The following SAE1 variants were observed in gnomAD, a reference collection of about 807,000 sequenced individuals.
The protein encoded by SAE1 is SUMO-activating enzyme subunit 1.
SAE1 carries 11 observed loss-of-function variants against 40.6 expected under a neutral mutation model. The observed-to-expected ratio is 0.27, with a 90% CI of 0.17 to 0.45. The LOEUF is 0.45. Ranked by LOEUF, SAE1 falls within the 20% of genes least tolerant of loss-of-function variation. The pLI, the probability that SAE1 is intolerant of heterozygous loss-of-function variation, is 1.00. For synonymous variants in SAE1, 155 were observed against 154.3 expected (o/e 1.00, Z -0.03); for missense variants, 373 against 427.3 (o/e 0.87, Z 1.12).
intron 6 of SAE1, among the ~76,000 whole-genome samples, chr19:47,171,486 C>T (rs991579858): frequency 6.6e-6 from 1 of 151,722 alleles, no homozygotes; most frequent in Non-Finnish European, 1.5e-5. Context: ...GATGGAGTCT[C>T]ACTCTGTTGC....
intron 6 of SAE1, among the ~76,000 whole-genome samples, chr19:47,173,412 T>G (rs975696122): frequency 6.6e-6 from 1 of 152,222 alleles, no homozygotes; most frequent in African/African-American, 2.4e-5. Flanking sequence ...GATGCTGATG[T>G]CCAGTAGCAC....
intron 6 of SAE1, among the ~76,000 whole-genome samples, chr19:47,171,797 T>G (rs1263036595): frequency 2.0e-5 from 3 of 152,144 alleles, no homozygotes; most frequent in Non-Finnish European, 2.9e-5. Context: ...GAGACAGGGT[T>G]TCACCATGTT....
intron 5 of SAE1, among the ~76,000 whole-genome samples, chr19:47,164,648 T>TG (rs1461653297): frequency 7.6e-6 from 1 of 132,446 alleles, no homozygotes; most frequent in Non-Finnish European, 1.6e-5. Flanking sequence ...CCTTTTTTTT[T>TG]TTTTTTTTTT....
At chr19:47,170,066 G>T (rs928167848) in intron 6 of SAE1, 143 bp downstream of exon 6, 1 of 654,922 alleles carries the variant, frequency 1.5e-6, no homozygotes, top group Non-Finnish European at 2.8e-6. Flanking sequence ...ACTTGAGAAA[G>T]GGGTGGTCAC....
chr19:47,161,228 C>A (rs1310570486), intron 5 of SAE1, among the ~76,000 whole-genome samples: 3 of 143,838 alleles, frequency 2.1e-5, no homozygotes. Flanking sequence ...CCAGGCTGAT[C>A]TCAAACTCCT....
intron 6 of SAE1, among the ~76,000 whole-genome samples, chr19:47,181,780 C>CTTTT (rs36107839): frequency 3.1e-5 from 3 of 96,508 alleles, no homozygotes; most frequent in African/African-American, 4.1e-5. Flanking sequence ...CACCTGGCCT[C>CTTTT]TTTTTTTTTT....
At chr19:47,151,080 G>GT (rs1475167740) in intron 3 of SAE1, among the ~76,000 whole-genome samples, 1 of 151,786 alleles carries the variant, frequency 6.6e-6, no homozygotes, top group Non-Finnish European at 1.5e-5. Flanking sequence ...TGAGCTACTA[G>GT]TTTTTTAAAT....
At chr19:47,171,439 G>A (rs971823973) in intron 6 of SAE1, among the ~76,000 whole-genome samples, 2 of 151,452 alleles carry the variant, frequency 1.3e-5, no homozygotes, top group Middle Eastern at 3.5e-3. Flanking sequence ...AATACAGGCG[G>A]GCACCACCAT....
Position 47,130,854 on chromosome 19 carries a change from C to G in SAE1, c.-77C>G, listed in dbSNP as rs548334962. The G allele has an allele frequency of 2.6e-5, 40 of 1,541,774 alleles. No homozygotes were observed. The highest frequency in any genetic ancestry group is 3.5e-5 in the Non-Finnish European group (40 of 1,143,600). Reference sequence around the variant, plus strand: ...AGAAGCACTCCGGGCGTGCTGCCGGCGGCGGTAGGTGGCGCGCGGGTCCGG... The same window carrying G: ...AGAAGCACTCCGGGCGTGCTGCCGGGGGCGGTAGGTGGCGCGCGGGTCCGG... On this transcript the variant is annotated 5_prime_UTR_variant, in exon 1 of 9. Transcript: ENST00000270225.
At chr19:47,207,679 G>T (rs1168605632) in intron 8 of SAE1, among the ~76,000 whole-genome samples, 1 of 152,114 alleles carries the variant, frequency 6.6e-6, no homozygotes, top group Non-Finnish European at 1.5e-5. Flanking sequence ...TGTTGCCCAG[G>T]CTGGAGTACA....
At chr19:47,167,423 G>C (rs944908437) in intron 5 of SAE1, among the ~76,000 whole-genome samples, 1 of 151,350 alleles carries the variant, frequency 6.6e-6, no homozygotes, top group East Asian at 1.9e-4. Flanking sequence ...TGTATTTTTA[G>C]TAGAGACGGA....
intron 1 of SAE1, among the ~76,000 whole-genome samples, chr19:47,134,157 G>A (rs1021588810): frequency 5.9e-5 from 9 of 152,072 alleles, no homozygotes; most frequent in Non-Finnish European, 1.3e-4. Flanking sequence ...CACCATGCCC[G>A]GCCTCAGATT....
chr19:47,136,900 CTCTAGGTGGGATAGGAGGGT>C (rs1222416269), intron 1 of SAE1, among the ~76,000 whole-genome samples: 7 of 152,128 alleles, frequency 4.6e-5, no homozygotes, highest in South Asian at 4.2e-4. Flanking sequence ...TCTAAGAGGG[CTCTAGGTGGGATAGGAGGGT>C]TCTAGGTGGG....
At chr19:47,146,478 G>T (rs1439387346) in intron 2 of SAE1, among the ~76,000 whole-genome samples, 1 of 152,166 alleles carries the variant, frequency 6.6e-6, no homozygotes, top group African/African-American at 2.4e-5. Flanking sequence ...AATAGATTTA[G>T]GTGGTAGAAT....
intron 2 of SAE1, among the ~76,000 whole-genome samples, chr19:47,147,504 G>A (rs925061431): frequency 3.3e-5 from 5 of 151,716 alleles, no homozygotes; most frequent in African/African-American, 1.2e-4. Flanking sequence ...CCAGGCCGGA[G>A]TGCAGTGGTG....
intron 1 of SAE1, among the ~76,000 whole-genome samples, chr19:47,131,836 G>T (rs1255144204): frequency 1.3e-5 from 2 of 151,268 alleles, no homozygotes; most frequent in African/African-American, 2.4e-5. Context: ...GAGTAGCTGG[G>T]ATTATAGGGG....
chr19:47,169,323 G>T (rs899928869), intron 5 of SAE1, among the ~76,000 whole-genome samples: 5 of 151,940 alleles, frequency 3.3e-5, no homozygotes, highest in Non-Finnish European at 7.4e-5. Context: ...TTGGCTCGCT[G>T]CAAACTCCAC....
chr19:47,160,630 C>T (rs1325362114), intron 5 of SAE1, among the ~76,000 whole-genome samples: 1 of 151,710 alleles, frequency 6.6e-6, no homozygotes, highest in African/African-American at 2.4e-5. Flanking sequence ...CTCCTGACCT[C>T]GTGATCCGCC....
chr19:47,192,177 CAT>C (rs749456238), intron 6 of SAE1, among the ~76,000 whole-genome samples: 137 of 152,280 alleles, frequency 9.0e-4, no homozygotes, highest in Non-Finnish European at 1.4e-3. Flanking sequence ...GCTTAGCACT[CAT>C]GTGATCTTCA....
Sources: gnomAD v4.1 joint callset for allele counts (sites outside exome capture counted in the v4.1 genomes callset) on GRCh38, gnomAD v4.1.1 for gene constraint, MANE v1.5 for transcripts, NCBI Gene and HGNC (gene_info 2026-07-23, HGNC 2026-07-21) for gene names.